Variants in LRRFIP1 observed in about 807,000 individuals in gnomAD.
The protein encoded by LRRFIP1 is LRR binding FLII interacting protein 1, also known as leucine-rich repeat flightless-interacting protein 1.
A neutral mutation model predicts 104.4 loss-of-function variants in LRRFIP1; 62 were observed. The ratio of observed to expected loss-of-function variants is 0.59; its 90% CI spans 0.48 to 0.73. The LOEUF is 0.73. Among genes scored for constraint, LRRFIP1 ranks in the 30% least tolerant of loss-of-function variants. LRRFIP1 has a pLI of 0.00. For synonymous variants in LRRFIP1, 300 were observed against 299.0 expected (o/e 1.00, Z -0.03); for missense variants, 796 against 824.5 (o/e 0.97, Z 0.42).
At chr2:237,757,619 C>T (rs1321237252) in intron 17 of LRRFIP1, 71 bp downstream of exon 17, 2 of 1,171,794 alleles carry the variant, frequency 1.7e-6, no homozygotes, top group African/African-American at 3.1e-5. Context: ...TTTTCAGAGT[C>T]TTTAGTTTGC....
intron 1 of LRRFIP1, chr2:237,692,367 A>G (rs1387997760): frequency 1.5e-6 from 2 of 1,306,448 alleles, no homozygotes; most frequent in Non-Finnish European, 2.0e-6. Flanking sequence ...CCGCGGACAG[A>G]GCGCGCGCCC....
At chr2:237,738,148 T>C (rs913796676) in intron 10 of LRRFIP1, among the ~76,000 whole-genome samples, 2 of 151,942 alleles carry the variant, frequency 1.3e-5, no homozygotes, top group African/African-American at 4.8e-5. Context: ...CCTGAAGATC[T>C]GGATGAGATC....
chr2:237,673,853 T>C (rs562080299), intron 1 of LRRFIP1, among the ~76,000 whole-genome samples: 2 of 152,292 alleles, frequency 1.3e-5, no homozygotes, highest in East Asian at 3.9e-4. Context: ...GGGCGGAGGC[T>C]GTCTCAGGAG....
intron 11 of LRRFIP1, 131 bp from the exon 12 acceptor site, chr2:237,748,233 A>G (rs2058131128): frequency 2.6e-6 from 2 of 754,832 alleles, no homozygotes; most frequent in African/African-American, 1.8e-5. Context: ...GGAGTGTCCC[A>G]TTTTTCTGCT....
At position 237,711,790 on chromosome 2, in the gene LRRFIP1, G is replaced by A. The variant is rs571755440; in HGVS notation, c.184-2469G>A. On this transcript the variant is annotated intron_variant, in intron 2 of 23. Transcript: ENST00000308482. This position sits in a 1 kb window ranked among gnomAD's most constrained non-coding sequence, Gnocchi z 4.4. ...GACACCGAGTGAAGCAGCTCTACCGGGGGGTGGGGAAGCCACTCCTTGTGG... is the reference window on the plus strand; with the variant it reads ...GACACCGAGTGAAGCAGCTCTACCGAGGGGTGGGGAAGCCACTCCTTGTGG... Among the ~76,000 whole-genome samples, 9 of 152,138 alleles carry A rather than the reference G, an allele frequency of 5.9e-5. No individual in the cohort carries two copies. The South Asian group carries it at 1.2e-3, about 21-fold the overall frequency.
intron 10 of LRRFIP1, among the ~76,000 whole-genome samples, chr2:237,737,079 G>T (rs1461003872): frequency 6.6e-6 from 1 of 152,172 alleles, no homozygotes; most frequent in African/African-American, 2.4e-5. Context: ...AGACAGCCCT[G>T]GTCCTGCTGT....
At chr2:237,682,731 C>T (rs969521318) in intron 1 of LRRFIP1, among the ~76,000 whole-genome samples, 4 of 152,222 alleles carry the variant, frequency 2.6e-5, no homozygotes, top group Admixed American at 6.5e-5. Flanking sequence ...ATGCTCCTGG[C>T]GCTGACTTTC....
intron 15 of LRRFIP1, among the ~76,000 whole-genome samples, chr2:237,755,791 G>A (rs1276615491): frequency 2.0e-5 from 3 of 152,118 alleles, no homozygotes; most frequent in African/African-American, 4.8e-5. Context: ...AAAATTAGCC[G>A]GGCATGGAGG....
chr2:237,675,071 G>C (rs2090947067), intron 1 of LRRFIP1, among the ~76,000 whole-genome samples: 1 of 152,220 alleles, frequency 6.6e-6, no homozygotes, highest in Non-Finnish European at 1.5e-5. Context: ...GGCTGCAGTT[G>C]TTGGTTCTGT....
At position 237,696,110 on chromosome 2, in the gene LRRFIP1, T is replaced by A. The variant is rs573337049; in HGVS notation, c.97-12434T>A. Among the ~76,000 whole-genome samples, 40 of 152,362 alleles carry A rather than the reference T, an allele frequency of 2.6e-4. No homozygotes were observed. The South Asian group carries it at 7.9e-3, about 30-fold the overall frequency. On this transcript the variant is annotated intron_variant, in intron 1 of 23. Coordinates refer to ENST00000308482, the MANE Select transcript of LRRFIP1 (RefSeq NM_001137550.2). ...TACAACTTTAAAACTAGGTAAGTAG[T>A]TTTCCCTTGAATCTAAAGTATAACT...
At chr2:237,725,394 A>G (rs908622358) in intron 7 of LRRFIP1, among the ~76,000 whole-genome samples, 5 of 152,346 alleles carry the variant, frequency 3.3e-5, no homozygotes, top group South Asian at 2.1e-4. Context: ...CAGAGACCCA[A>G]CTTAAGATGA....
intron 23 of LRRFIP1, among the ~76,000 whole-genome samples, chr2:237,776,045 A>G (rs919870928): frequency 2.6e-5 from 4 of 151,566 alleles, no homozygotes; most frequent in African/African-American, 7.3e-5. Flanking sequence ...GCTCACTGCA[A>G]CCTCCACCTC....
chr2:237,765,693 T>TA (rs869304042), intron 19 of LRRFIP1: 7 of 943,086 alleles, frequency 7.4e-6, no homozygotes, highest in African/African-American at 5.3e-5. Flanking sequence ...GTTTTCTATA[T>TA]AAAAAAATTT....
intron 2 of LRRFIP1, among the ~76,000 whole-genome samples, chr2:237,710,922 G>C (rs1444080776): frequency 6.6e-6 from 1 of 152,064 alleles, no homozygotes; most frequent in Non-Finnish European, 1.5e-5. Context: ...TAAGCCAGGC[G>C]TGGTGGCATG....
rs1265536191 is a variant in LRRFIP1 at position 237,661,287 on chromosome 2, A to C, written c.96+33547A>C. Among the ~76,000 whole-genome samples the C allele has an allele frequency of 6.6e-6, 1 of 152,132 alleles. No homozygotes were observed. The highest frequency in any genetic ancestry group is 1.5e-5 in the Non-Finnish European group (1 of 68,026). On this transcript the variant is annotated intron_variant, in intron 1 of 23. Transcript: ENST00000308482. The surrounding 1 kb of genome is among the most constrained non-coding windows in gnomAD (Gnocchi z 4.4). The stretch of plus-strand genomic sequence containing the variant: ...GCTTGGCTTCCCCTGGCTGCTGCTA[A>C]TTCTGGAGGACACAGTGGGGTGGGC...
At chr2:237,738,513 C>T (rs2095322221) in intron 10 of LRRFIP1, among the ~76,000 whole-genome samples, 1 of 152,156 alleles carries the variant, frequency 6.6e-6, no homozygotes, top group Admixed American at 6.5e-5. Flanking sequence ...GTGTTCAAAT[C>T]CTGCCCCCGC....
chr2:237,770,977 G>A (rs1366096554), intron 20 of LRRFIP1, among the ~76,000 whole-genome samples: 1 of 152,128 alleles, frequency 6.6e-6, no homozygotes, highest in Non-Finnish European at 1.5e-5. Context: ...AATATGGTAG[G>A]AAGATTCTCT....
rs2058150491 is a variant in LRRFIP1 at position 237,748,399 on chromosome 2, G to A, written c.669G>A (p.Lys223=). The change falls in exon 12 of 24, where the codon AAG becomes AAA. Residue 223 remains lysine, a splice_region_variant and synonymous_variant. Transcript: ENST00000308482. ...EERPEKDFTE[K]GSRNMPGLSA... ...GACCAGAAAAAGATTTTACTGAGAA[G>A]GTAAGGAATCGTTCATAAACCTAGA... 6.2e-7 allele frequency: 1 copy of A among 1,603,530 alleles called. No homozygotes were observed. Among genetic ancestry groups the A allele is most frequent in the Non-Finnish European group, 8.5e-7 (1 of 1,176,710 alleles).
rs1381840883 is a variant in LRRFIP1 at position 237,693,268 on chromosome 2, T to C, written c.97-15276T>C. Among the ~76,000 whole-genome samples the C allele has an allele frequency of 4.6e-5, 7 of 152,212 alleles. No individual in the cohort carries two copies. In the East Asian group the frequency reaches 1.3e-3, roughly 29 times the overall value. On this transcript the variant is annotated intron_variant, in intron 1 of 23. Coordinates refer to ENST00000308482, the MANE Select transcript of LRRFIP1 (RefSeq NM_001137550.2). ...CCCTAGCTTTCCACTTAATCAGGTG[T>C]TCGTGGGATCTTGGTAAAAGTATGA... is the stretch of plus-strand genomic sequence containing the variant.
Sources: gnomAD v4.1 joint callset for allele counts (sites outside exome capture counted in the v4.1 genomes callset) on GRCh38, gnomAD v4.1.1 for gene constraint, Gnocchi (gnomAD v3.1) non-coding constraint, MANE v1.5 for transcripts, NCBI Gene and HGNC (gene_info 2026-07-23, HGNC 2026-07-21) for gene names.